Variants in GPHN observed in about 807,000 individuals in gnomAD.
GPHN encodes the protein gephyrin.
GPHN carries 17 observed loss-of-function variants against 95.5 expected under a neutral mutation model. The observed-to-expected ratio is 0.18, with a 90% CI of 0.12 to 0.27. The LOEUF (loss-of-function observed/expected upper bound fraction) is 0.27, where lower values mean the gene tolerates loss of function less well. Among genes scored for constraint, GPHN ranks in the 10% least tolerant of loss-of-function variants. The pLI, the probability that GPHN is intolerant of heterozygous loss-of-function variation, is 1.00. For synonymous variants in GPHN, 320 were observed against 322.5 expected (o/e 0.99, Z 0.08); for missense variants, 660 against 978.1 (o/e 0.67, Z 4.34).
chr14:66,940,035 G>A (rs948836607), intron 8 of GPHN, among the ~76,000 whole-genome samples: 4 of 152,030 alleles, frequency 2.6e-5, no homozygotes, highest in African/African-American at 4.8e-5. Flanking sequence ...AAGCTTGACC[G>A]GTAAGAAAAA....
chr14:66,510,129 G>A (rs8020652), intron 1 of GPHN, among the ~76,000 whole-genome samples: 49,638 of 152,136 alleles, frequency 0.33, 11,879 homozygotes, highest in African/African-American at 0.65. Context: ...GTTTGGGTAT[G>A]TGAAGATTCA....
chr14:66,781,638 A>G lies in GPHN; in HGVS notation c.201+5117A>G, dbSNP rs564083429. On this transcript the variant is annotated intron_variant, in intron 3 of 22. Coordinates refer to ENST00000478722, the MANE Select transcript of GPHN (RefSeq NM_020806.5). ...CTTTGAACTTCATATGAATTAAATC[A>G]TATTGTATGCAGTTTTTTTGTGTCT... 6.6e-5 allele frequency among the ~76,000 whole-genome samples: 10 copies of G among 152,316 alleles called. No individual in the cohort carries two copies. In the South Asian group the frequency reaches 2.1e-3, roughly 32 times the overall value.
intron 11 of GPHN, among the ~76,000 whole-genome samples, chr14:67,063,498 A>G (rs771773214): frequency 2.0e-5 from 3 of 152,180 alleles, no homozygotes; most frequent in Non-Finnish European, 2.9e-5. Context: ...TGGGGTTGGC[A>G]TTGAATCTAT....
At chr14:66,630,020 A>G (rs7160665) in intron 1 of GPHN, among the ~76,000 whole-genome samples, 47,199 of 151,996 alleles carry the variant, frequency 0.31, 11,172 homozygotes, top group African/African-American at 0.64. Flanking sequence ...AAATTGGTTT[A>G]TTAAATATAA....
chr14:67,315,268 A>AT, the GPHN span, among the ~76,000 whole-genome samples: 5,370 of 101,604 alleles, frequency 0.053, 467 homozygotes, highest in Non-Finnish European at 0.07. Context: ...CTTATTTTTA[A>AT]TTTTTTTTTT....
At chr14:66,770,962 T>C (rs1443371549) in intron 2 of GPHN, among the ~76,000 whole-genome samples, 1 of 152,090 alleles carries the variant, frequency 6.6e-6, no homozygotes, top group African/African-American at 2.4e-5. Context: ...TTGGAACATA[T>C]CCCGTATAGA....
At position 67,089,041 on chromosome 14, in the gene GPHN, C is replaced by T. The variant is rs2077024810; in HGVS notation, c.1203C>T (p.Phe401=). The T allele has an allele frequency of 5.0e-6, 8 of 1,602,086 alleles. 1 individual carries two copies. The highest frequency in any genetic ancestry group is 1.1e-5 in the South Asian group (1 of 90,882). Residue 401 remains phenylalanine, a synonymous_variant, in exon 12 of 23, where the codon TTC becomes TTT. Transcript: ENST00000478722. ...ATGCAAAAGACAATTTACCCCCCTT[C>T]CCAGCATCAGTAAAAGATGGCTATG... is the stretch of plus-strand genomic sequence containing the variant. ...DVYAKDNLPP[F]PASVKDGYAV...
intron 1 of GPHN, among the ~76,000 whole-genome samples, chr14:66,523,088 A>G (rs765588133): frequency 3.3e-4 from 50 of 152,100 alleles, no homozygotes; most frequent in African/African-American, 1.2e-3. Context: ...GCTGAAATCT[A>G]TTAGTGACGG....
In GPHN at chr14:66,768,517, C is replaced by T. The variant is rs150647680; in HGVS notation, c.144-7947C>T. Among the ~76,000 whole-genome samples, 303 of 152,034 alleles carry T rather than the reference C, an allele frequency of 2.0e-3. 2 individuals carry two copies. Among genetic ancestry groups the T allele is most frequent in the Admixed American group, 6.3e-3 (96 of 15,256 alleles). ...TTCTGCAGGAAAAGAGCTATATGAG[C>T]AGTGACTTTGAAAGCAGGACTTTTT... On this transcript the variant is annotated intron_variant, in intron 2 of 22. Coordinates refer to ENST00000478722, the MANE Select transcript of GPHN (RefSeq NM_020806.5).
chr14:67,375,425 C>A, the GPHN span, among the ~76,000 whole-genome samples: 2 of 152,052 alleles, frequency 1.3e-5, no homozygotes, highest in Admixed American at 1.3e-4. Context: ...CCCAGCCTAT[C>A]CTCAGTTCTT....
At chr14:67,532,463 T>C in the GPHN span, among the ~76,000 whole-genome samples, 75 of 152,260 alleles carry the variant, frequency 4.9e-4, no homozygotes, top group Non-Finnish European at 8.2e-4. Context: ...CCAACCCCTC[T>C]GGGTATGAGA....
At chr14:67,226,024 G>A in the GPHN span, among the ~76,000 whole-genome samples, 1 of 151,890 alleles carries the variant, frequency 6.6e-6, no homozygotes, top group South Asian at 2.1e-4. Flanking sequence ...AGTATTGAAG[G>A]GGGGAGGTTG....
chr14:67,298,474 C>T, the GPHN span, among the ~76,000 whole-genome samples: 1 of 150,378 alleles, frequency 6.6e-6, no homozygotes, highest in African/African-American at 2.5e-5. Flanking sequence ...AAGATCATGC[C>T]ATTGCACTCC....
chr14:67,034,415 AGACG>A (rs2153632328), intron 10 of GPHN, among the ~76,000 whole-genome samples: 1 of 152,304 alleles, frequency 6.6e-6, no homozygotes, highest in South Asian at 2.1e-4. Context: ...AATAGCTACA[AGACG>A]GACAGAAAAC....
the GPHN span, among the ~76,000 whole-genome samples, chr14:67,689,654 T>C: frequency 6.6e-6 from 1 of 151,966 alleles, no homozygotes; most frequent in Non-Finnish European, 1.5e-5. Flanking sequence ...TCCTAAAAGT[T>C]AAGTAATGGC....
intron 11 of GPHN, 58 bp downstream of exon 11, chr14:67,058,844 C>T (rs1191238621): frequency 2.9e-6 from 4 of 1,393,304 alleles, no homozygotes; most frequent in Non-Finnish European, 4.1e-6. Context: ...AAATAAGATT[C>T]ATGTAACATT....
the GPHN span, among the ~76,000 whole-genome samples, chr14:67,602,287 A>T: frequency 6.6e-6 from 1 of 152,086 alleles, no homozygotes; most frequent in Admixed American, 6.5e-5. Flanking sequence ...TCGTGAGAGA[A>T]CTCACTCAGC....
At chr14:67,579,218 G>A in the GPHN span, 1,247,507 of 1,610,228 alleles carry the variant, frequency 0.77, 487,393 homozygotes, top group Non-Finnish European at 0.8. Flanking sequence ...CCAGGCCATC[G>A]CGCATGGAAG....
the GPHN span, chr14:67,585,971 C>T: frequency 1.2e-6 from 2 of 1,613,586 alleles, no homozygotes; most frequent in Non-Finnish European, 8.5e-7. Context: ...TCACTTACCC[C>T]TACTCTTCAG....
Sources: allele counts gnomAD v4.1 joint callset (sites outside exome capture counted in the v4.1 genomes callset), GRCh38; gene constraint gnomAD v4.1.1; transcripts MANE v1.5; gene names NCBI Gene and HGNC (gene_info 2026-07-23, HGNC 2026-07-21).